The following TMEM132B variants were observed in gnomAD, a reference collection of about 807,000 sequenced individuals.
TMEM132B encodes transmembrane protein 132B.
Under a neutral mutation model 90.8 loss-of-function variants are expected in TMEM132B, and 18 were observed. The observed-to-expected ratio is 0.20, with a 90% confidence interval of 0.14 to 0.29. The LOEUF is 0.29. Ranked by LOEUF, TMEM132B falls within the 10% of genes least tolerant of loss-of-function variation. TMEM132B has a pLI of 1.00. For synonymous variants in TMEM132B, 504 were observed against 523.3 expected, an observed-to-expected ratio of 0.96 and a Z score of 0.50; for missense variants, 1,096 against 1,326.8, an observed-to-expected ratio of 0.83 and a Z score of 2.70.
chr12:125,478,099 C>T (rs1189467764), intron 3 of TMEM132B, among the ~76,000 whole-genome samples: 4 of 152,156 alleles, frequency 2.6e-5, no homozygotes, highest in African/African-American at 4.8e-5. Context: ...CACACCAAAA[C>T]CCCATCTGTA....
chr12:125,188,867 A>G (rs1957777974), intron 1 of TMEM132B, among the ~76,000 whole-genome samples: 2 of 151,286 alleles, frequency 1.3e-5, no homozygotes, highest in Admixed American at 1.3e-4. Context: ...AAAAAAAAAA[A>G]AAAAAAGAAA....
At chr12:125,646,512 A>G (rs955910403) in intron 6 of TMEM132B, among the ~76,000 whole-genome samples, 40 of 152,322 alleles carry the variant, frequency 2.6e-4, no homozygotes, top group African/African-American at 8.4e-4. Flanking sequence ...CCTGCCTGAC[A>G]TCTTCCAGCC....
intron 3 of TMEM132B, among the ~76,000 whole-genome samples, chr12:125,506,467 G>T (rs1200371636): frequency 6.6e-6 from 1 of 152,054 alleles, no homozygotes; most frequent in East Asian, 1.9e-4. Context: ...CTATGCATTT[G>T]TCAGAACTCA....
chr12:125,342,915 C>T (rs1391104665), intron 1 of TMEM132B, among the ~76,000 whole-genome samples: 1 of 152,216 alleles, frequency 6.6e-6, no homozygotes, highest in Non-Finnish European at 1.5e-5. Context: ...GGAGACTCAC[C>T]TGACTTCTTG....
chr12:125,193,237 A>G (rs1476776692), intron 1 of TMEM132B, among the ~76,000 whole-genome samples: 1 of 152,180 alleles, frequency 6.6e-6, no homozygotes, highest in Non-Finnish European at 1.5e-5. Context: ...GTGTCCTCAG[A>G]TGGGGACACT....
At position 125,561,576 on chromosome 12, in the gene TMEM132B, T is replaced by C. The variant is rs1218155739; in HGVS notation, c.1294-22275T>C. On this transcript the variant is annotated intron_variant, in intron 4 of 8. Coordinates refer to ENST00000682704, the MANE Select transcript of TMEM132B (RefSeq NM_001366854.1). ...AAATAATAAGACCTGAAAGCCAAAA[T>C]TACTCCTTGATCAATGGGATGCTGA... Among the ~76,000 whole-genome samples the C allele has an allele frequency of 2.0e-5, 3 of 152,274 alleles. No homozygotes were observed. The East Asian group carries it at 5.8e-4, about 29-fold the overall frequency.
chr12:125,519,473 G>T lies in TMEM132B; in HGVS notation c.1141G>T (p.Asp381Tyr). ...ATCCTTCTATGAGATCTTGCAAGTG[G>T]ACTTTGGAATTGATAATAGCAGTGA... ...NGSFYEILQV[D>Y]FGIDNSSDLA... Residue 381 changes from aspartate to tyrosine, a missense_variant, in exon 4 of 9, where the codon GAC becomes TAC. Physicochemically the swap from Asp to Tyr is radical, Grantham distance 160 (BLOSUM62 -3). Transcript: ENST00000682704. 3 of 1,613,510 alleles carry T rather than the reference G, an allele frequency of 1.9e-6. No individual in the cohort carries two copies. Among genetic ancestry groups the T allele is most frequent in the Non-Finnish European group, 2.5e-6 (3 of 1,179,738 alleles).
intron 1 of TMEM132B, among the ~76,000 whole-genome samples, chr12:125,340,377 C>A (rs1337987076): frequency 6.6e-6 from 1 of 152,110 alleles, no homozygotes; most frequent in African/African-American, 2.4e-5. Context: ...TCACATTATA[C>A]ACCAGCAGAG....
intron 4 of TMEM132B, among the ~76,000 whole-genome samples, chr12:125,552,243 G>A (rs1407423878): frequency 6.6e-6 from 1 of 152,212 alleles, no homozygotes; most frequent in Non-Finnish European, 1.5e-5. Flanking sequence ...TGAATAGCTT[G>A]TGCTTCCCAC....
intron 1 of TMEM132B, among the ~76,000 whole-genome samples, chr12:125,200,679 G>T (rs137953957): frequency 2.0e-5 from 3 of 152,334 alleles, no homozygotes; most frequent in Admixed American, 6.5e-5. Context: ...GTATGATTGC[G>T]TGATGGCAGA....
At position 125,655,030 on chromosome 12, in the gene TMEM132B, A is replaced by G. The variant is rs571520849; in HGVS notation, c.*320A>G. On this transcript the variant is annotated 3_prime_UTR_variant, in exon 9 of 9. Transcript: ENST00000682704. ...GTTAGTCATCTCGTGACAAATGGCCATGTGGAATTAGAAAAGATTTGGGTG... is the reference window on the plus strand; with the variant it reads ...GTTAGTCATCTCGTGACAAATGGCCGTGTGGAATTAGAAAAGATTTGGGTG... The G allele has an allele frequency of 2.4e-5, 6 of 246,650 alleles. No homozygotes were observed. Among genetic ancestry groups the G allele is most frequent in the Non-Finnish European group, 4.7e-5 (6 of 128,164 alleles). The allele number at this position is 246,650 out of a possible 1,614,324, so 15.3% of individuals were successfully genotyped here.
At chr12:125,310,343 G>A (rs10846869) in intron 1 of TMEM132B, among the ~76,000 whole-genome samples, 3 of 152,212 alleles carry the variant, frequency 2.0e-5, no homozygotes, top group African/African-American at 7.2e-5. Flanking sequence ...AGGTGGTGGT[G>A]TGGATGGTGG....
At chr12:125,494,134 GGAT>G (rs1882444845) in intron 3 of TMEM132B, among the ~76,000 whole-genome samples, 1 of 104,964 alleles carries the variant, frequency 9.5e-6, no homozygotes, top group Non-Finnish European at 1.8e-5. Flanking sequence ...CCCTGGAAAT[GGAT>G]GCATCCCCTC....
chr12:125,402,832 G>T (rs1248974031), intron 2 of TMEM132B, among the ~76,000 whole-genome samples: 2 of 152,132 alleles, frequency 1.3e-5, no homozygotes, highest in African/African-American at 4.8e-5. Flanking sequence ...AAATGTTTAT[G>T]TAATGAAGAA....
At chr12:125,462,462 A>G (rs1881462609) in intron 3 of TMEM132B, among the ~76,000 whole-genome samples, 1 of 152,146 alleles carries the variant, frequency 6.6e-6, no homozygotes, top group Non-Finnish European at 1.5e-5. Flanking sequence ...CCAAATAATT[A>G]ATTATAATTA....
intron 1 of TMEM132B, among the ~76,000 whole-genome samples, chr12:125,279,798 A>G (rs150869413): frequency 1.9e-4 from 29 of 152,338 alleles, no homozygotes; most frequent in Admixed American, 4.6e-4. Flanking sequence ...GAAACCCTCT[A>G]ACAGGATGGT....
chr12:125,390,553 A>C (rs182648021), intron 2 of TMEM132B, among the ~76,000 whole-genome samples: 1 of 152,242 alleles, frequency 6.6e-6, no homozygotes, highest in Admixed American at 6.5e-5. Flanking sequence ...CTTCTAACAT[A>C]TAAAATACAG....
Position 125,415,353 on chromosome 12 carries a change from A to G in TMEM132B, c.960-178A>G, listed in dbSNP as rs1448685003. 1.3e-5 allele frequency among the ~76,000 whole-genome samples: 2 copies of G among 152,132 alleles called. No homozygotes were observed. Among genetic ancestry groups the G allele is most frequent in the Admixed American group, 6.5e-5 (1 of 15,278 alleles). On this transcript the variant is annotated intron_variant, in intron 2 of 8. Coordinates refer to ENST00000682704, the MANE Select transcript of TMEM132B (RefSeq NM_001366854.1). This position sits in a 1 kb window ranked among gnomAD's most constrained non-coding sequence, Gnocchi z 5.3. ...ACTTCCAGGCACTTGTAAAAATTAC[A>G]AGACACTTAGTTTTTAAAGGAAAGC...
At chr12:125,302,399 A>G (rs1875853955) in intron 1 of TMEM132B, among the ~76,000 whole-genome samples, 1 of 152,036 alleles carries the variant, frequency 6.6e-6, no homozygotes, top group Admixed American at 6.6e-5. Flanking sequence ...TGAGACTAAA[A>G]GAACTGTCCA....
Sources: allele counts gnomAD v4.1 joint callset (sites outside exome capture counted in the v4.1 genomes callset), GRCh38; gene constraint gnomAD v4.1.1; non-coding constraint Gnocchi (gnomAD v3.1); transcripts MANE v1.5; gene names NCBI Gene and HGNC (gene_info 2026-07-23, HGNC 2026-07-21).